NDE1: variants seen among roughly 807,000 people sequenced by gnomAD.
NDE1 encodes the protein nuclear distribution protein nudE homolog 1.
In NDE1, 28 loss-of-function variants were observed where a neutral mutation model predicts 43.4. That is an observed-to-expected ratio of 0.65 (90% CI 0.48 to 0.89). The LOEUF is 0.89. NDE1 is among the 40% of genes least tolerant of loss of function. NDE1 has a pLI of 0.00. For synonymous variants in NDE1, 184 were observed against 172.0 expected, an observed-to-expected ratio of 1.07 and a Z score of -0.55; for missense variants, 441 against 434.1, an observed-to-expected ratio of 1.02 and a Z score of -0.14.
intron 3 of NDE1, among the ~76,000 whole-genome samples, chr16:15,670,385 C>T (rs956502076): frequency 5.9e-5 from 9 of 151,898 alleles, no homozygotes; most frequent in African/African-American, 1.7e-4. Context: ...TGGCTGGGTG[C>T]GGTGGCTCAT....
intron 3 of NDE1, among the ~76,000 whole-genome samples, chr16:15,677,571 G>A (rs1317967517): frequency 6.6e-6 from 1 of 151,450 alleles, no homozygotes; most frequent in African/African-American, 2.4e-5. Flanking sequence ...GGGCAACAGA[G>A]TGAGACTCGG....
At chr16:15,712,624 G>C (rs546479672) in intron 8 of NDE1, among the ~76,000 whole-genome samples, 1 of 152,194 alleles carries the variant, frequency 6.6e-6, no homozygotes, top group African/African-American at 2.4e-5. Flanking sequence ...ACCCTGGGGC[G>C]GTCTAGTGGC....
intron 3 of NDE1, among the ~76,000 whole-genome samples, chr16:15,667,661 C>T (rs1436553117): frequency 5.9e-5 from 6 of 101,760 alleles, no homozygotes; most frequent in African/African-American, 2.5e-4. Flanking sequence ...GATGGAGTTT[C>T]ACTCTTGTTG....
intron 4 of NDE1, among the ~76,000 whole-genome samples, chr16:15,686,008 G>A (rs1211006321): frequency 6.6e-6 from 1 of 150,972 alleles, no homozygotes; most frequent in African/African-American, 2.4e-5. Context: ...CTGGAGTGCA[G>A]TGGCATGATC....
At chr16:15,648,310 T>G (rs1271279008), upstream of NDE1, among the ~76,000 whole-genome samples, 1 of 152,212 alleles carries the variant, frequency 6.6e-6, no homozygotes, top group Non-Finnish European at 1.5e-5. Context: ...TAGATCTTAT[T>G]CATTCTAACT....
chr16:15,655,334 G>A (rs1266192225), intron 1 of NDE1, among the ~76,000 whole-genome samples: 2 of 152,050 alleles, frequency 1.3e-5, no homozygotes, highest in African/African-American at 2.4e-5. Flanking sequence ...TGTATTTTTA[G>A]TAGAGACGGG....
chr16:15,655,668 A>T (rs1165081218), intron 1 of NDE1, among the ~76,000 whole-genome samples: 1 of 152,136 alleles, frequency 6.6e-6, no homozygotes. Flanking sequence ...TTCTATAAAG[A>T]CACATGCACA....
chr16:15,655,765 G>C (rs557990063), intron 1 of NDE1, among the ~76,000 whole-genome samples: 2 of 151,784 alleles, frequency 1.3e-5, no homozygotes, highest in African/African-American at 2.4e-5. Context: ...TTAAGAAAAC[G>C]TGGCACATAT....
chr16:15,701,656 CTT>C (rs199897664), intron 8 of NDE1: 1 of 152,230 alleles, frequency 6.6e-6, no homozygotes, highest in Non-Finnish European at 1.5e-5. Flanking sequence ...ACTGCTGTCT[CTT>C]TGGGACACGA....
intron 1 of NDE1, among the ~76,000 whole-genome samples, chr16:15,652,992 A>G (rs1054034964): frequency 1.3e-5 from 2 of 152,194 alleles, no homozygotes; most frequent in Admixed American, 6.6e-5. Flanking sequence ...AAAGCGATCT[A>G]TGCTTACTGT....
chr16:15,660,816 A>G (rs773139688), intron 1 of NDE1, among the ~76,000 whole-genome samples: 9 of 151,290 alleles, frequency 5.9e-5, no homozygotes, highest in Non-Finnish European at 1.3e-4. Flanking sequence ...GAAACCGCCC[A>G]CTCCCAGGAC....
rs976020953 is a variant in NDE1, at chr16:15,695,591, A to G, written c.796-1118A>G. 58 of 985,086 alleles carry G rather than the reference A, an allele frequency of 5.9e-5. No homozygotes were observed. The Admixed American group carries it at 8.0e-4, about 14-fold the overall frequency. The allele number at this position is 985,086 out of a possible 1,614,324, so 61.0% of individuals were successfully genotyped here. A position where few individuals can be genotyped will look rare whatever the true frequency, so the allele number is the denominator to read the frequency against. On this transcript the variant is annotated intron_variant, in intron 7 of 8. Coordinates refer to ENST00000396354, the MANE Select transcript of NDE1 (RefSeq NM_017668.3). ...ACAGGGAGGGATCCTTTTGTGCTTA[A>G]GTAAAAACATAGGTATTCTTTGTAG...
At chr16:15,710,688 G>T (rs866621149) in intron 8 of NDE1, among the ~76,000 whole-genome samples, 9 of 147,618 alleles carry the variant, frequency 6.1e-5, no homozygotes, top group Middle Eastern at 3.5e-3. Context: ...TTTGTTTTTT[G>T]TTTTTTTTTT....
intron 3 of NDE1, 79 bp from the exon 4 acceptor site, chr16:15,677,722 T>TCCAGGTGGATGTGTG: frequency 6.5e-7 from 1 of 1,531,844 alleles, no homozygotes; most frequent in African/African-American, 1.4e-5. Flanking sequence ...TAGCTGTGAC[T>TCCAGGTGGATGTGTG]CCAGGTGGAT....
chr16:15,679,545 T>A (rs1235355103), intron 4 of NDE1, among the ~76,000 whole-genome samples: 2 of 152,196 alleles, frequency 1.3e-5, no homozygotes, highest in African/African-American at 4.8e-5. Flanking sequence ...TTTCAATATA[T>A]TGTATTTTTA....
At chr16:15,712,424 T>TGGATCACAAGATCAGGAGTTCA (rs1415229051) in intron 8 of NDE1, among the ~76,000 whole-genome samples, 1 of 151,788 alleles carries the variant, frequency 6.6e-6, no homozygotes, top group East Asian at 1.9e-4. Context: ...CTGAGGCGGG[T>TGGATCACAAGATCAGGAGTTCA]GGATCACAAG....
At chr16:15,708,974 T>C in intron 8 of NDE1, 1 of 975,234 alleles carries the variant, frequency 1.0e-6, no homozygotes, top group Non-Finnish European at 1.6e-6. Flanking sequence ...TTTGAGATAG[T>C]CTCTGTCACC....
At chr16:15,677,052 A>G (rs2037918585) in intron 3 of NDE1, among the ~76,000 whole-genome samples, 1 of 152,168 alleles carries the variant, frequency 6.6e-6, no homozygotes, top group Admixed American at 6.5e-5. Context: ...AGTAGGCAAG[A>G]TTCAAGGTGC....
intron 8 of NDE1, among the ~76,000 whole-genome samples, chr16:15,697,351 C>A (rs1341004950): frequency 6.6e-6 from 1 of 152,120 alleles, no homozygotes; most frequent in Non-Finnish European, 1.5e-5. Flanking sequence ...CCAAGAAGGT[C>A]ATTTTTATCA....
Sources: gnomAD v4.1 joint callset for allele counts (sites outside exome capture counted in the v4.1 genomes callset) on GRCh38, gnomAD v4.1.1 for gene constraint, MANE v1.5 for transcripts, NCBI Gene and HGNC (gene_info 2026-07-23, HGNC 2026-07-21) for gene names.